Variants in SLC6A13 observed in about 807,000 individuals in gnomAD.
SLC6A13 encodes sodium- and chloride-dependent GABA transporter 2.
SLC6A13 carries 69 observed loss-of-function variants against 72.9 expected under a neutral mutation model. That is an observed-to-expected ratio of 0.95 (90% CI 0.78 to 1.16). The LOEUF is 1.16. Among genes scored for constraint, SLC6A13 ranks in the 50% most tolerant of loss-of-function variants. The pLI is 0.00. For synonymous variants in SLC6A13, 303 were observed against 303.0 expected (o/e 1.00, Z 0.00); for missense variants, 735 against 760.5 (o/e 0.97, Z 0.39).
chr12:220,797 C>T lies in SLC6A13; in HGVS notation c.*151G>A. 1.1e-6 allele frequency: 1 copy of T among 875,258 alleles called. No homozygotes were observed. Among genetic ancestry groups the T allele is most frequent in the Non-Finnish European group, 1.7e-6 (1 of 584,166 alleles). 54.2% of individuals were successfully genotyped at this position (875,258 alleles called of 1,614,324 possible). ...TGAGCTGAAAAGTTGCAGTGGGAGG[C>T]CTCCAGCTCAGCAGGTGGACTCCAA... On this transcript the variant is annotated 3_prime_UTR_variant, in exon 15 of 15. Transcript: ENST00000343164.
rs1310408845 is a variant in SLC6A13, at chr12:221,391, C to A, written c.1671G>T (p.Lys557Asn). 1.6e-5 allele frequency: 26 copies of A among 1,602,998 alleles called. No homozygotes were observed. The highest frequency in any genetic ancestry group is 2.1e-5 in the Non-Finnish European group (25 of 1,174,846). Residue 557 changes from lysine to asparagine, a missense_variant, in exon 14 of 15, where the codon AAG becomes AAT. Coordinates refer to ENST00000343164, the MANE Select transcript of SLC6A13 (RefSeq NM_016615.5). ...AWSLYRLGTL[K>N]GPFRERIRQL... Reference sequence around the variant, plus strand: ...AAGGCCCTACCTCTCTGAAGGGGCCCTTGAGGGTTCCGAGTCTGTAGAGGC... The same window carrying A: ...AAGGCCCTACCTCTCTGAAGGGGCCATTGAGGGTTCCGAGTCTGTAGAGGC...
rs777167331 is a variant in SLC6A13 at position 227,641 on chromosome 12, A to G, written c.859T>C (p.Phe287Leu). 5 of 1,612,802 alleles carry G rather than the reference A, an allele frequency of 3.1e-6. No homozygotes were observed. The highest frequency in any genetic ancestry group is 4.2e-6 in the Non-Finnish European group (5 of 1,179,214). ...CCAAGACAGATGGCGAAGGAGAAGA[A>G]TATCTGGGTGCCTGCATCCATCCAC... ...QVWMDAGTQIFFSFAICLGCL... is the reference protein window; with the variant it reads ...QVWMDAGTQILFSFAICLGCL... Residue 287 changes from phenylalanine (F) to leucine (L), a missense_variant, in exon 8 of 15, where the codon TTC becomes CTC. Coordinates refer to ENST00000343164, the MANE Select transcript of SLC6A13 (RefSeq NM_016615.5).
intron 7 of SLC6A13, among the ~76,000 whole-genome samples, chr12:228,298 C>A (rs12815498): frequency 0.063 from 9,555 of 152,252 alleles, 429 homozygotes; most frequent in Middle Eastern, 0.099. Context: ...CCAGCCCGTG[C>A]ATGTTATGAT....
intron 2 of SLC6A13, 130 bp downstream of exon 2, chr12:259,712 TCCTTAATGA>T: frequency 6.4e-7 from 1 of 1,569,154 alleles, no homozygotes; most frequent in South Asian, 1.2e-5. Context: ...TTACAGAGTG[TCCTTAATGA>T]CCTCTAAGCG....
At position 237,963 on chromosome 12, in the gene SLC6A13, A is replaced by G; in HGVS notation, c.526T>C (p.Ser176Pro). 6.2e-7 allele frequency: 1 copy of G among 1,614,052 alleles called. No homozygotes were observed. Among genetic ancestry groups the G allele is most frequent in the Non-Finnish European group, 8.5e-7 (1 of 1,179,958 alleles). The stretch of plus-strand genomic sequence containing the variant: ...ATGACAGGAGAGGTGGCATTCTCAG[A>G]GGTACCATTCAGGGAGCCGTTGGTC... ...QKTNGSLNGT[S>P]ENATSPVIEF... The change falls in exon 5 of 15, where the codon TCT (serine) becomes CCT (proline). Residue 176 changes from serine (S) to proline (P), a missense_variant. Coordinates refer to ENST00000343164, the MANE Select transcript of SLC6A13 (RefSeq NM_016615.5).
chr12:252,409 T>C (rs764081527), intron 2 of SLC6A13, among the ~76,000 whole-genome samples: 10 of 152,252 alleles, frequency 6.6e-5, no homozygotes, highest in Non-Finnish European at 1.5e-4. Flanking sequence ...ACATGTTTAC[T>C]ATCTCAATTG....
At chr12:245,090 T>TC (rs1942302432) in intron 2 of SLC6A13, among the ~76,000 whole-genome samples, 3 of 151,876 alleles carry the variant, frequency 2.0e-5, no homozygotes, top group Admixed American at 2.0e-4. Context: ...CTGCAGAGGG[T>TC]CCCCCTCAAG....
Position 220,829 on chromosome 12 carries a change from C to G in SLC6A13, c.*119G>C. On this transcript the variant is annotated 3_prime_UTR_variant, in exon 15 of 15. Coordinates refer to ENST00000343164, the MANE Select transcript of SLC6A13 (RefSeq NM_016615.5). Reference sequence around the variant, plus strand: ...CTCAGCAGGTGGACTCCAAAATACCCCTCTTGTCTTATCCACTCCAGGTCG... The same window carrying G: ...CTCAGCAGGTGGACTCCAAAATACCGCTCTTGTCTTATCCACTCCAGGTCG... 1 of 1,285,352 alleles carries G rather than the reference C, an allele frequency of 7.8e-7. No homozygotes were observed. Among genetic ancestry groups the G allele is most frequent in the East Asian group, 2.5e-5 (1 of 39,644 alleles). The allele number at this position is 1,285,352 out of a possible 1,614,324, so 79.6% of individuals were successfully genotyped here.
intron 7 of SLC6A13, among the ~76,000 whole-genome samples, chr12:233,826 AC>A (rs1396936968): frequency 6.6e-6 from 1 of 151,994 alleles, no homozygotes; most frequent in Non-Finnish European, 1.5e-5. Flanking sequence ...AGTGTCAGAC[AC>A]CTTATGACCA....
At chr12:224,860 G>T (rs565724594) in intron 9 of SLC6A13, among the ~76,000 whole-genome samples, 1 of 152,356 alleles carries the variant, frequency 6.6e-6, no homozygotes, top group Admixed American at 6.5e-5. Context: ...GGCCATAGAA[G>T]TTTGTGCAGC....
In SLC6A13 at chr12:242,639, G is replaced by A. The variant is rs757442254; in HGVS notation, c.453C>T (p.Gly151=). 2.5e-6 allele frequency: 4 copies of A among 1,613,674 alleles called. No homozygotes were observed. The highest frequency in any genetic ancestry group is 3.3e-5 in the Admixed American group (2 of 59,990). The part of the protein sequence containing the change: ...FSSFTIDLPW[G]GCYHEWNTEH... The stretch of plus-strand genomic sequence containing the variant: ...CTGTGTTCCACTCATGGTAGCAGCC[G>A]CCCCAGGGCAGGTCGATGGTGAAGC... Residue 151 remains glycine (G), a synonymous_variant, in exon 4 of 15, where the codon GGC becomes GGT. Coordinates refer to ENST00000343164, the MANE Select transcript of SLC6A13 (RefSeq NM_016615.5).
chr12:247,720 A>G (rs1942402437), intron 2 of SLC6A13, among the ~76,000 whole-genome samples: 1 of 152,214 alleles, frequency 6.6e-6, no homozygotes, highest in Non-Finnish European at 1.5e-5. Flanking sequence ...CTTATTATTC[A>G]AATATTTTTT....
intron 7 of SLC6A13, among the ~76,000 whole-genome samples, chr12:230,775 T>C (rs1200693966): frequency 1.3e-5 from 2 of 152,210 alleles, no homozygotes; most frequent in African/African-American, 4.8e-5. Flanking sequence ...ATCCGTAAGA[T>C]GAGGCTGACC....
chr12:241,116 C>G (rs1162384332), intron 4 of SLC6A13, among the ~76,000 whole-genome samples: 1 of 151,954 alleles, frequency 6.6e-6, no homozygotes, highest in Non-Finnish European at 1.5e-5. Flanking sequence ...CCAGCCTGGC[C>G]AAAATGGTGA....
intron 14 of SLC6A13, 57 bp downstream of exon 14, chr12:221,319 G>C (rs151081351): frequency 2.0e-6 from 3 of 1,502,394 alleles, no homozygotes; most frequent in Non-Finnish European, 2.7e-6. Flanking sequence ...CCCACCTGTC[G>C]GCACCTGCGA....
chr12:226,725 C>T (rs1051813740), intron 8 of SLC6A13: 12 of 496,422 alleles, frequency 2.4e-5, no homozygotes, highest in East Asian at 7.7e-5. Context: ...AGCCCAGGGA[C>T]GGAATAAATC....
intron 2 of SLC6A13, among the ~76,000 whole-genome samples, chr12:245,624 G>T (rs983258309): frequency 1.3e-5 from 2 of 151,804 alleles, no homozygotes; most frequent in Admixed American, 1.3e-4. Flanking sequence ...AGGTTGCAGT[G>T]AGCCGAGATC....
chr12:226,343 G>T, intron 9 of SLC6A13, 47 bp downstream of exon 9: 1 of 1,611,524 alleles, frequency 6.2e-7, no homozygotes, highest in South Asian at 1.1e-5. Context: ...TGCTGCCAGA[G>T]GTTTGAACCA....
chr12:237,566 G>A (rs1360609464), intron 5 of SLC6A13, among the ~76,000 whole-genome samples: 1 of 151,766 alleles, frequency 6.6e-6, no homozygotes, highest in Non-Finnish European at 1.5e-5. Context: ...AGGACCTTTT[G>A]ACAGCAGGAC....
Sources: allele counts gnomAD v4.1 joint callset (sites outside exome capture counted in the v4.1 genomes callset), GRCh38; gene constraint gnomAD v4.1.1; transcripts MANE v1.5; gene names NCBI Gene and HGNC (gene_info 2026-07-23, HGNC 2026-07-21).